FGGY: variants seen among roughly 807,000 people sequenced by gnomAD.
The protein encoded by FGGY is FGGY carbohydrate kinase domain-containing protein.
A neutral mutation model predicts 71.3 loss-of-function variants in FGGY; 72 were observed. The observed-to-expected ratio is 1.01, with a 90% CI of 0.84 to 1.23. FGGY has a LOEUF of 1.23. Ranked by LOEUF, FGGY falls within the 50% of genes most tolerant of loss-of-function variation. The pLI, the probability that FGGY is intolerant of heterozygous loss-of-function variation, is 0.00. For synonymous variants in FGGY, 251 were observed against 250.3 expected (o/e 1.00, Z -0.02); for missense variants, 668 against 682.3 (o/e 0.98, Z 0.23).
rs2097703014 is a variant in FGGY, at chr1:59,700,753, A to G, written c.1512+26620A>G. Among the ~76,000 whole-genome samples, 3 of 152,200 alleles carry G rather than the reference A, an allele frequency of 2.0e-5. No homozygotes were observed. The South Asian group carries it at 6.2e-4, about 31-fold the overall frequency. On this transcript the variant is annotated intron_variant, in intron 14 of 15. Transcript: ENST00000303721. ...AGTAATATTGATTTCAGGTAACAAG[A>G]AATGTTACAAAAGAAAGCAAAGTGA...
intron 12 of FGGY, among the ~76,000 whole-genome samples, chr1:59,664,066 C>G (rs1558726992): frequency 6.6e-6 from 1 of 152,322 alleles, no homozygotes; most frequent in East Asian, 1.9e-4. Flanking sequence ...GACCTGTCAA[C>G]CACCCGGTTT....
chr1:59,662,612 A>G (rs1039833148), intron 12 of FGGY, among the ~76,000 whole-genome samples: 1 of 152,208 alleles, frequency 6.6e-6, no homozygotes, highest in Non-Finnish European at 1.5e-5. Context: ...CTATAAGATT[A>G]TGATACTGTA....
At chr1:59,457,103 G>A (rs1054799314) in intron 6 of FGGY, 27 bp downstream of exon 6, 1 of 1,495,224 alleles carries the variant, frequency 6.7e-7, no homozygotes, top group Non-Finnish European at 9.3e-7. Flanking sequence ...TCTGTAGAGT[G>A]ATTATGTGCA....
chr1:59,421,608 T>G (rs774403120), intron 5 of FGGY, among the ~76,000 whole-genome samples: 1 of 149,924 alleles, frequency 6.7e-6, no homozygotes, highest in Non-Finnish European at 1.5e-5. Flanking sequence ...TTCTCTTCCC[T>G]TCTGTTCTCT....
At chr1:59,380,878 C>G (rs1438806731) in intron 5 of FGGY, among the ~76,000 whole-genome samples, 2 of 151,460 alleles carry the variant, frequency 1.3e-5, no homozygotes, top group Non-Finnish European at 2.9e-5. Context: ...ATGCCTATGT[C>G]CTGAATGGTA....
intron 1 of FGGY, among the ~76,000 whole-genome samples, chr1:59,320,733 T>C (rs1261436066): frequency 6.6e-6 from 1 of 152,210 alleles, no homozygotes; most frequent in Non-Finnish European, 1.5e-5. Flanking sequence ...TGCAATATAT[T>C]TGCCTCTTCT....
At chr1:59,659,271 A>G (rs943770463) in intron 11 of FGGY, among the ~76,000 whole-genome samples, 1 of 152,174 alleles carries the variant, frequency 6.6e-6, no homozygotes, top group African/African-American at 2.4e-5. Context: ...TCATAAGCCA[A>G]TTGCAGTGGG....
rs576801536 is a variant in FGGY, at chr1:59,618,969, G to A, written c.1012-7019G>A. On this transcript the variant is annotated intron_variant, in intron 9 of 15. Coordinates refer to ENST00000303721, the MANE Select transcript of FGGY (RefSeq NM_018291.5). Reference sequence around the variant, plus strand: ...AAATGCCTCCCTGTTCCCTTCTCCCGCCCTGGCTTTTGCTTATTTTTTGTA... The same window carrying A: ...AAATGCCTCCCTGTTCCCTTCTCCCACCCTGGCTTTTGCTTATTTTTTGTA... 2.9e-4 allele frequency among the ~76,000 whole-genome samples: 44 copies of A among 151,920 alleles called. 1 individual carries two copies. The East Asian group carries it at 3.5e-3, about 12-fold the overall frequency.
intron 11 of FGGY, among the ~76,000 whole-genome samples, chr1:59,642,951 C>T (rs532919334): frequency 3.4e-5 from 5 of 148,838 alleles, no homozygotes; most frequent in South Asian, 2.1e-4. Flanking sequence ...AGGAGAATGG[C>T]GAGAACCTGG....
intron 6 of FGGY, among the ~76,000 whole-genome samples, chr1:59,486,700 A>G (rs1165216810): frequency 1.3e-5 from 2 of 152,114 alleles, no homozygotes; most frequent in African/African-American, 2.4e-5. Flanking sequence ...AAAAAATGAC[A>G]TGACCTATAT....
chr1:59,321,271 C>T (rs575388589), intron 1 of FGGY, among the ~76,000 whole-genome samples: 1 of 152,274 alleles, frequency 6.6e-6, no homozygotes, highest in Admixed American at 6.5e-5. Context: ...CACAACTTTG[C>T]CTAAATAATT....
intron 14 of FGGY, among the ~76,000 whole-genome samples, chr1:59,736,132 TC>T (rs1312485714): frequency 1.3e-5 from 2 of 152,184 alleles, no homozygotes; most frequent in African/African-American, 2.4e-5. Flanking sequence ...CCTGCTGCCA[TC>T]CATGTAAGGT....
At chr1:59,554,567 G>A (rs61788860) in intron 8 of FGGY, among the ~76,000 whole-genome samples, 14,904 of 152,078 alleles carry the variant, frequency 0.098, 880 homozygotes, top group South Asian at 0.28. Flanking sequence ...TGGGTAGCGG[G>A]GTCTTCTCGG....
chr1:59,712,957 A>G (rs1180859419), intron 14 of FGGY, among the ~76,000 whole-genome samples: 1 of 152,202 alleles, frequency 6.6e-6, no homozygotes, highest in Non-Finnish European at 1.5e-5. Flanking sequence ...TCAGGCTGCA[A>G]ATTTTGCAAA....
At chr1:59,532,156 G>T (rs1280861921) in intron 7 of FGGY, among the ~76,000 whole-genome samples, 6 of 152,096 alleles carry the variant, frequency 3.9e-5, no homozygotes, top group Non-Finnish European at 1.5e-5. Context: ...CAGAGATCTG[G>T]GAAGTAGAAA....
At chr1:59,686,372 G>A (rs1370245710) in intron 14 of FGGY, among the ~76,000 whole-genome samples, 2 of 152,198 alleles carry the variant, frequency 1.3e-5, no homozygotes, top group Non-Finnish European at 2.9e-5. Context: ...AAGGGCAACA[G>A]ATGTTGAAGC....
intron 14 of FGGY, among the ~76,000 whole-genome samples, chr1:59,737,455 C>T (rs113175253): frequency 0.099 from 15,039 of 152,278 alleles, 910 homozygotes; most frequent in African/African-American, 0.18. Context: ...AGATCCAAAG[C>T]GGCAGAGCTG....
chr1:59,382,833 T>A (rs998969718), intron 5 of FGGY, among the ~76,000 whole-genome samples: 1 of 152,154 alleles, frequency 6.6e-6, no homozygotes, highest in African/African-American at 2.4e-5. Flanking sequence ...TCTTTGACAT[T>A]TTACTCAGCA....
chr1:59,344,039 T>C (rs78766624), intron 3 of FGGY, among the ~76,000 whole-genome samples: 2,734 of 152,304 alleles, frequency 0.018, 36 homozygotes, highest in East Asian at 0.05. Flanking sequence ...TTTTTAAAAG[T>C]TATCAAGGCG....
Sources: gnomAD v4.1 joint callset for allele counts (sites outside exome capture counted in the v4.1 genomes callset) on GRCh38, gnomAD v4.1.1 for gene constraint, MANE v1.5 for transcripts, NCBI Gene and HGNC (gene_info 2026-07-23, HGNC 2026-07-21) for gene names.